Variants in NAALADL2 observed in about 807,000 individuals in gnomAD.
The protein encoded by NAALADL2 is inactive N-acetylated-alpha-linked acidic dipeptidase-like protein 2.
Under a neutral mutation model 87.2 loss-of-function variants are expected in NAALADL2, and 76 were observed. The ratio of observed to expected loss-of-function variants is 0.87; its 90% confidence interval spans 0.72 to 1.05. The LOEUF (loss-of-function observed/expected upper bound fraction) is 1.05. Ranked by LOEUF, NAALADL2 falls within the 50% of genes least tolerant of loss-of-function variation. NAALADL2 has a pLI of 0.00. For synonymous variants in NAALADL2, 354 were observed against 331.0 expected (o/e 1.07, Z -0.75); for missense variants, 1,089 against 945.8 (o/e 1.15, Z -1.99).
intron 13 of NAALADL2, among the ~76,000 whole-genome samples, chr3:175,786,765 G>A (rs1174872180): frequency 1.4e-5 from 2 of 145,176 alleles, no homozygotes; most frequent in African/African-American, 5.4e-5. Context: ...CTTTGGAGGA[G>A]GAGGAGGAGG....
intron 5 of NAALADL2, among the ~76,000 whole-genome samples, chr3:175,446,153 G>C (rs1223260917): frequency 1.3e-5 from 2 of 149,282 alleles, no homozygotes. Flanking sequence ...TTTGCTAAGA[G>C]TGAACCTTCT....
chr3:174,987,740 C>T (rs533112068), intron 1 of NAALADL2, among the ~76,000 whole-genome samples: 165 of 145,784 alleles, frequency 1.1e-3, no homozygotes, highest in African/African-American at 4.0e-3. Flanking sequence ...GATCCTCCTC[C>T]CTCAGCCTTC....
At chr3:175,135,496 T>C (rs9862533) in intron 2 of NAALADL2, among the ~76,000 whole-genome samples, 6,298 of 152,168 alleles carry the variant, frequency 0.041, 292 homozygotes, top group African/African-American at 0.12. Context: ...TATAGTAGGA[T>C]TTTTTGCTGG....
chr3:174,694,157 A>G (rs1245357815), intron 2 of NAALADL2, among the ~76,000 whole-genome samples: 1 of 152,104 alleles, frequency 6.6e-6, no homozygotes, highest in Non-Finnish European at 1.5e-5. Flanking sequence ...CTCTTTTGCC[A>G]TACATTTCCC....
intron 2 of NAALADL2, among the ~76,000 whole-genome samples, chr3:174,645,653 A>G (rs929093954): frequency 3.9e-5 from 6 of 152,148 alleles, no homozygotes; most frequent in Admixed American, 2.0e-4. Flanking sequence ...TCACATATAT[A>G]TGAGAAGATC....
intron 2 of NAALADL2, among the ~76,000 whole-genome samples, chr3:174,684,798 A>G (rs1371969590): frequency 1.3e-5 from 2 of 152,072 alleles, no homozygotes; most frequent in Non-Finnish European, 2.9e-5. Flanking sequence ...TGACATCCCT[A>G]CAGTATTAAG....
chr3:175,184,619 T>C (rs778480796), intron 2 of NAALADL2, among the ~76,000 whole-genome samples: 5 of 152,060 alleles, frequency 3.3e-5, no homozygotes, highest in Non-Finnish European at 7.4e-5. Context: ...TAATTAAAGT[T>C]ACTTCCTCTT....
chr3:174,469,424 ATT>A (rs796147289), intron 1 of NAALADL2, among the ~76,000 whole-genome samples: 24 of 139,400 alleles, frequency 1.7e-4, no homozygotes, highest in African/African-American at 5.3e-4. Flanking sequence ...CGGCTGGCTA[ATT>A]TTTTTTTTTT....
chr3:175,077,789 T>C (rs988919185), intron 1 of NAALADL2, among the ~76,000 whole-genome samples: 47 of 152,224 alleles, frequency 3.1e-4, no homozygotes, highest in African/African-American at 1.1e-3. Context: ...ATTATGGGTG[T>C]GCATGGTTCT....
intron 2 of NAALADL2, among the ~76,000 whole-genome samples, chr3:174,684,715 A>T (rs1386349211): frequency 6.6e-6 from 1 of 152,106 alleles, no homozygotes; most frequent in African/African-American, 2.4e-5. Context: ...GCAGTTTTTG[A>T]TTAAATGTGT....
chr3:174,966,235 T>C (rs890680733), intron 1 of NAALADL2, among the ~76,000 whole-genome samples: 17 of 152,198 alleles, frequency 1.1e-4, no homozygotes, highest in Non-Finnish European at 2.5e-4. Flanking sequence ...TCCTTGATCT[T>C]GAAGGCCAAG....
intron 2 of NAALADL2, among the ~76,000 whole-genome samples, chr3:174,686,646 C>A (rs757435781): frequency 1.3e-5 from 2 of 151,984 alleles, no homozygotes; most frequent in Non-Finnish European, 2.9e-5. Context: ...TGCACCCCTA[C>A]AACTATGTGA....
chr3:174,580,091 T>C (rs1578217761), intron 2 of NAALADL2, among the ~76,000 whole-genome samples: 1 of 152,062 alleles, frequency 6.6e-6, no homozygotes, highest in African/African-American at 2.4e-5. Flanking sequence ...GGTTTTAACA[T>C]TGTTTTTTTC....
chr3:175,058,196 G>A (rs2109061321), intron 1 of NAALADL2, among the ~76,000 whole-genome samples: 1 of 152,228 alleles, frequency 6.6e-6, no homozygotes, highest in South Asian at 2.1e-4. Flanking sequence ...GAAGGAAAGG[G>A]AAAAACTTCT....
chr3:175,405,263 T>A (rs1019230572), intron 5 of NAALADL2, among the ~76,000 whole-genome samples: 2 of 152,162 alleles, frequency 1.3e-5, no homozygotes, highest in African/African-American at 4.8e-5. Context: ...GTAAGTTATT[T>A]TTATAAGACC....
chr3:174,519,316 TGAAGA>T lies in NAALADL2; in HGVS notation c.-183-31252_-183-31248del, dbSNP rs1240808860. 2.8e-3 allele frequency among the ~76,000 whole-genome samples: 426 copies of T among 149,598 alleles called. 5 individuals carry two copies. Among genetic ancestry groups the T allele is most frequent in the African/African-American group, 0.011 (416 of 39,544 alleles). ...AAAGTTTTTGAAACAAGTGAATGAATGAAGATTTCCTTTTTTTTTTTTTTTTTTGA... is the reference window on the plus strand; with the variant it reads ...AAAGTTTTTGAAACAAGTGAATGAATTTTCCTTTTTTTTTTTTTTTTTTGA... On this transcript the variant is annotated intron_variant, in intron 1 of 3. Coordinates refer to the NAALADL2 transcript ENST00000434257.
intron 3 of NAALADL2, among the ~76,000 whole-genome samples, chr3:174,804,827 A>T (rs1287413523): frequency 6.6e-6 from 1 of 152,152 alleles, no homozygotes; most frequent in East Asian, 1.9e-4. Flanking sequence ...AAAATTTAAT[A>T]CTAAGAGTAA....
At chr3:174,867,270 A>G (rs899988020) in intron 1 of NAALADL2, among the ~76,000 whole-genome samples, 4 of 151,938 alleles carry the variant, frequency 2.6e-5, no homozygotes, top group African/African-American at 9.7e-5. Flanking sequence ...AAACACACCA[A>G]GCTGATCCGC....
intron 13 of NAALADL2, among the ~76,000 whole-genome samples, chr3:175,788,663 C>G (rs1349287396): frequency 6.6e-6 from 1 of 152,056 alleles, no homozygotes; most frequent in Admixed American, 6.6e-5. Context: ...GAGCATATTC[C>G]TGTAGTTAAG....
Sources: gnomAD v4.1 joint callset for allele counts (sites outside exome capture counted in the v4.1 genomes callset) on GRCh38, gnomAD v4.1.1 for gene constraint, MANE v1.5 for transcripts, NCBI Gene and HGNC (gene_info 2026-07-23, HGNC 2026-07-21) for gene names.